Variants in ST6GALNAC3 observed in about 807,000 individuals in gnomAD.
ST6GALNAC3 encodes ST6 N-acetylgalactosaminide alpha-2,6-sialyltransferase 3.
Under a neutral mutation model 32.7 loss-of-function variants are expected in ST6GALNAC3, and 25 were observed. The ratio of observed to expected loss-of-function variants is 0.76; its 90% CI spans 0.56 to 1.07. The LOEUF is 1.07. Ranked by LOEUF, ST6GALNAC3 falls within the 50% of genes least tolerant of loss-of-function variation. The probability of loss-of-function intolerance (pLI) is 0.00; values close to 1 mark genes in which losing one functional copy is unlikely to be tolerated. For synonymous variants in ST6GALNAC3, 129 were observed against 133.1 expected (o/e 0.97, Z 0.21); for missense variants, 355 against 382.4 (o/e 0.93, Z 0.60).
intron 1 of ST6GALNAC3, among the ~76,000 whole-genome samples, chr1:76,214,360 C>T (rs1226690148): frequency 6.6e-6 from 1 of 151,990 alleles, no homozygotes; most frequent in African/African-American, 2.4e-5. Context: ...AATACAATTG[C>T]CAAATTTCTT....
intron 2 of ST6GALNAC3, among the ~76,000 whole-genome samples, chr1:76,372,915 T>C (rs1374605264): frequency 1.3e-5 from 2 of 152,154 alleles, no homozygotes; most frequent in African/African-American, 4.8e-5. Flanking sequence ...CTTGCCTCTC[T>C]TCTTGCCTCC....
intron 2 of ST6GALNAC3, among the ~76,000 whole-genome samples, chr1:76,356,002 A>G (rs1341457572): frequency 6.6e-6 from 1 of 152,172 alleles, no homozygotes; most frequent in African/African-American, 2.4e-5. Context: ...GATATTTTAT[A>G]GGCAATAATA....
intron 3 of ST6GALNAC3, among the ~76,000 whole-genome samples, chr1:76,613,964 A>G (rs1648108294): frequency 6.6e-6 from 1 of 152,244 alleles, no homozygotes; most frequent in African/African-American, 2.4e-5. Context: ...TCCTTGGTAT[A>G]TCCTTAGACA....
intron 2 of ST6GALNAC3, among the ~76,000 whole-genome samples, chr1:76,333,146 A>T (rs1335488920): frequency 1.3e-5 from 2 of 152,170 alleles, no homozygotes; most frequent in Non-Finnish European, 2.9e-5. Context: ...TAAAGTATTT[A>T]TTTCAACCCT....
chr1:76,413,785 G>A (rs1157808532), intron 3 of ST6GALNAC3, among the ~76,000 whole-genome samples: 1 of 152,094 alleles, frequency 6.6e-6, no homozygotes, highest in African/African-American at 2.4e-5. Flanking sequence ...GAAAGGGATA[G>A]GTATGGTGCT....
chr1:76,509,630 A>G lies in ST6GALNAC3; in HGVS notation c.623+97213A>G, dbSNP rs1661709235. Reference sequence around the variant, plus strand: ...GTTTAAAACAACACAAAGTTATTTTATACAGTTCGAAGTTAGAAGTCTAAA... The same window carrying G: ...GTTTAAAACAACACAAAGTTATTTTGTACAGTTCGAAGTTAGAAGTCTAAA... On this transcript the variant is annotated intron_variant, in intron 3 of 4. Coordinates refer to ENST00000328299, the MANE Select transcript of ST6GALNAC3 (RefSeq NM_152996.4). The surrounding 1 kb of genome is among the most constrained non-coding windows in gnomAD (Gnocchi z 5.5). Among the ~76,000 whole-genome samples, 1 of 152,226 alleles carries G rather than the reference A, an allele frequency of 6.6e-6. No homozygotes were observed. The highest frequency in any genetic ancestry group is 2.1e-4 in the South Asian group (1 of 4,832).
chr1:76,146,000 G>A (rs1004464948), intron 1 of ST6GALNAC3, among the ~76,000 whole-genome samples: 2 of 152,172 alleles, frequency 1.3e-5, no homozygotes, highest in Non-Finnish European at 2.9e-5. Flanking sequence ...CTAGGTCTTT[G>A]CTTTTGAAAA....
intron 1 of ST6GALNAC3, among the ~76,000 whole-genome samples, chr1:76,295,178 G>A (rs904089782): frequency 6.6e-6 from 1 of 151,876 alleles, no homozygotes; most frequent in African/African-American, 2.4e-5. Context: ...CAGGGAGCCT[G>A]AGCAATTATA....
intron 3 of ST6GALNAC3, among the ~76,000 whole-genome samples, chr1:76,422,815 A>G (rs1176088370): frequency 6.6e-6 from 1 of 152,050 alleles, no homozygotes; most frequent in Non-Finnish European, 1.5e-5. Flanking sequence ...ATATTGTTGC[A>G]CGAACATCTA....
chr1:76,289,449 C>G (rs1201560959), intron 1 of ST6GALNAC3, among the ~76,000 whole-genome samples: 1 of 152,196 alleles, frequency 6.6e-6, no homozygotes, highest in East Asian at 1.9e-4. Context: ...TAAGAAGCAC[C>G]TGGCACATAG....
At chr1:76,289,907 G>A (rs1659982902) in intron 1 of ST6GALNAC3, among the ~76,000 whole-genome samples, 2 of 152,182 alleles carry the variant, frequency 1.3e-5, no homozygotes, top group Non-Finnish European at 2.9e-5. Context: ...GAGGGAATGA[G>A]TTGCTTTGCC....
At chr1:76,411,844 C>T in intron 2 of ST6GALNAC3, 164 bp from the exon 3 acceptor site, 4 of 669,236 alleles carry the variant, frequency 6.0e-6, no homozygotes, top group Non-Finnish European at 9.4e-6. Context: ...ATGCTGTTAA[C>T]TTGATAATCT....
chr1:76,514,460 G>A lies in ST6GALNAC3; in HGVS notation c.623+102043G>A, dbSNP rs546904258. ...CTGGAAAGTGGGGCCTAGTGGTAGG[G>A]GTGTTTTGGTTATGGGACAGATCTC... On this transcript the variant is annotated intron_variant, in intron 3 of 4. Transcript: ENST00000328299. Among the ~76,000 whole-genome samples the A allele has an allele frequency of 9.2e-5, 14 of 152,164 alleles. No homozygotes were observed. The East Asian group carries it at 2.5e-3, about 27-fold the overall frequency.
In ST6GALNAC3 at chr1:76,467,819, G is replaced by A. The variant is rs867630692; in HGVS notation, c.623+55402G>A. Among the ~76,000 whole-genome samples the A allele has an allele frequency of 1.9e-3, 233 of 122,926 alleles. 2 individuals carry two copies. The highest frequency in any genetic ancestry group is 0.013 in the African/African-American group (225 of 17,338). 80.6% of individuals were successfully genotyped at this position (122,926 alleles called of 152,430 possible). A position where few individuals can be genotyped will look rare whatever the true frequency, so the allele number is the denominator to read the frequency against. ...CCAAATACATAATGAATGAGCTATTGCCTGAAATAATTTAAAAAGTGGCAG... is the reference window on the plus strand; with the variant it reads ...CCAAATACATAATGAATGAGCTATTACCTGAAATAATTTAAAAAGTGGCAG... On this transcript the variant is annotated intron_variant, in intron 3 of 4. Coordinates refer to ENST00000328299, the MANE Select transcript of ST6GALNAC3 (RefSeq NM_152996.4).
At chr1:76,290,311 A>G (rs942142834) in intron 1 of ST6GALNAC3, among the ~76,000 whole-genome samples, 19 of 152,170 alleles carry the variant, frequency 1.2e-4, no homozygotes, top group African/African-American at 4.6e-4. Context: ...ATCAAACTAT[A>G]TGTAATTTTC....
chr1:76,502,874 C>T (rs1415872544), intron 3 of ST6GALNAC3, among the ~76,000 whole-genome samples: 2 of 152,022 alleles, frequency 1.3e-5, no homozygotes, highest in African/African-American at 4.8e-5. Context: ...CACAAGAAAA[C>T]AAAAGTTAAT....
intron 1 of ST6GALNAC3, among the ~76,000 whole-genome samples, chr1:76,099,033 C>T (rs560751650): frequency 1.3e-5 from 2 of 152,176 alleles, no homozygotes; most frequent in Admixed American, 6.5e-5. Flanking sequence ...ACTGTGCTTT[C>T]GCTACTGCTT....
At chr1:76,566,555 C>G (rs988462975) in intron 3 of ST6GALNAC3, among the ~76,000 whole-genome samples, 1 of 152,072 alleles carries the variant, frequency 6.6e-6, no homozygotes, top group East Asian at 1.9e-4. Context: ...GCCCTGCCCC[C>G]AAGACCCTTC....
intron 2 of ST6GALNAC3, among the ~76,000 whole-genome samples, chr1:76,364,035 T>C (rs1472610926): frequency 2.0e-5 from 3 of 152,202 alleles, no homozygotes; most frequent in Non-Finnish European, 4.4e-5. Flanking sequence ...CCTTAGCTTC[T>C]TATTGTAGAT....
Sources: gnomAD v4.1 joint callset for allele counts (sites outside exome capture counted in the v4.1 genomes callset) on GRCh38, gnomAD v4.1.1 for gene constraint, Gnocchi (gnomAD v3.1) non-coding constraint, MANE v1.5 for transcripts, NCBI Gene and HGNC (gene_info 2026-07-23, HGNC 2026-07-21) for gene names.